Variants in FOXP1 observed in about 807,000 individuals in gnomAD.
The protein encoded by FOXP1 is forkhead box protein P1.
FOXP1 carries 15 observed loss-of-function variants against 98.2 expected under a neutral mutation model. The ratio of observed to expected loss-of-function variants is 0.15; its 90% CI spans 0.10 to 0.24. The LOEUF (loss-of-function observed/expected upper bound fraction) is 0.24. Among genes scored for constraint, FOXP1 ranks in the 10% least tolerant of loss-of-function variants. FOXP1 has a pLI of 1.00. For missense variants in FOXP1, 633 were observed against 848.5 expected, an observed-to-expected ratio of 0.75 and a Z score of 3.15; for synonymous variants, 371 against 314.5, an observed-to-expected ratio of 1.18 and a Z score of -1.90.
chr3:71,010,403 G>A (rs2043414713), intron 12 of FOXP1, among the ~76,000 whole-genome samples: 1 of 152,102 alleles, frequency 6.6e-6, no homozygotes, highest in Admixed American at 6.6e-5. Context: ...TTAACTCTAT[G>A]CTGGGAATAC....
At chr3:71,269,244 GA>G (rs2107279415) in intron 5 of FOXP1, among the ~76,000 whole-genome samples, 1 of 151,930 alleles carries the variant, frequency 6.6e-6, no homozygotes, top group African/African-American at 2.4e-5. Context: ...TTACCTTGAA[GA>G]TGACAATTTA....
chr3:71,080,375 T>A (rs2107516357), intron 7 of FOXP1, among the ~76,000 whole-genome samples: 1 of 152,328 alleles, frequency 6.6e-6, no homozygotes, highest in East Asian at 1.9e-4. Context: ...TGGAGATGAC[T>A]GTTCCCATAC....
At position 71,106,567 on chromosome 3, in the gene FOXP1, G is replaced by A. The variant is rs945589202; in HGVS notation, c.282+5969C>T. On this transcript the variant is annotated intron_variant, in intron 7 of 20. Coordinates refer to ENST00000649528, the MANE Select transcript of FOXP1 (RefSeq NM_001349338.3). ...TCTTGAACACCTGACCTTGTGATCC[G>A]CTCGCCTTGGCTTCTCAAAGTGCTG... Among the ~76,000 whole-genome samples, 4 of 151,612 alleles carry A rather than the reference G, an allele frequency of 2.6e-5. No individual in the cohort carries two copies. In the East Asian group the frequency reaches 5.9e-4, roughly 22 times the overall value.
intron 6 of FOXP1, among the ~76,000 whole-genome samples, chr3:71,187,130 A>C (rs2062695688): frequency 6.6e-6 from 1 of 152,276 alleles, no homozygotes; most frequent in Non-Finnish European, 1.5e-5. Context: ...CCCTACTCAA[A>C]GAAGGTACTG....
intron 7 of FOXP1, among the ~76,000 whole-genome samples, chr3:71,081,428 T>C (rs2054401155): frequency 6.6e-6 from 1 of 152,128 alleles, no homozygotes; most frequent in South Asian, 2.1e-4. Context: ...AGGAAACTGA[T>C]GCCACGGAGG....
intron 4 of FOXP1, among the ~76,000 whole-genome samples, chr3:71,320,565 T>G (rs1349380254): frequency 6.6e-6 from 1 of 152,160 alleles, no homozygotes; most frequent in African/African-American, 2.4e-5. Flanking sequence ...AATGTCCCTG[T>G]TATCTATTCC....
intron 6 of FOXP1, among the ~76,000 whole-genome samples, chr3:71,170,920 TTTC>T (rs1042490408): frequency 6.6e-6 from 1 of 152,134 alleles, no homozygotes; most frequent in Admixed American, 6.6e-5. Context: ...CCGTCTTTCT[TTTC>T]TTCTTTTTGT....
intron 7 of FOXP1, among the ~76,000 whole-genome samples, chr3:71,111,614 G>A (rs375718149): frequency 6.6e-6 from 1 of 152,198 alleles, no homozygotes; most frequent in South Asian, 2.1e-4. Flanking sequence ...GGCCAGCCTC[G>A]TCTCGAACTC....
At chr3:71,348,553 G>GTGCGCGCGCGCGCA (rs1553853270) in intron 4 of FOXP1, among the ~76,000 whole-genome samples, 2 of 130,638 alleles carry the variant, frequency 1.5e-5, no homozygotes, top group African/African-American at 6.3e-5. Context: ...GTGTGTGCGT[G>GTGCGCGCGCGCGCA]CGCGCGCGCA....
At chr3:71,150,218 G>A (rs1426193894) in intron 6 of FOXP1, among the ~76,000 whole-genome samples, 1 of 152,184 alleles carries the variant, frequency 6.6e-6, no homozygotes, top group Non-Finnish European at 1.5e-5. Flanking sequence ...GAGTACTAGG[G>A]AGGATGCTAT....
At chr3:71,469,155 T>C (rs1250689425) in intron 3 of FOXP1, among the ~76,000 whole-genome samples, 1 of 152,348 alleles carries the variant, frequency 6.6e-6, no homozygotes, top group South Asian at 2.1e-4. Flanking sequence ...TGTGTGATCA[T>C]GATTATCATT....
chr3:71,471,269 T>C (rs2089317154), intron 3 of FOXP1, among the ~76,000 whole-genome samples: 1 of 151,098 alleles, frequency 6.6e-6, no homozygotes, highest in Non-Finnish European at 1.5e-5. Context: ...TTATATAGTA[T>C]AATAAGTACA....
At chr3:71,034,264 C>T (rs1368360254) in intron 11 of FOXP1, among the ~76,000 whole-genome samples, 1 of 152,112 alleles carries the variant, frequency 6.6e-6, no homozygotes. Flanking sequence ...GGACTTGATC[C>T]GGAGCTTAAC....
At chr3:71,188,205 G>A (rs191052018) in intron 6 of FOXP1, among the ~76,000 whole-genome samples, 2 of 152,186 alleles carry the variant, frequency 1.3e-5, no homozygotes, top group East Asian at 3.9e-4. Context: ...GCCCTTCAGT[G>A]AACATAAAAT....
intron 5 of FOXP1, chr3:71,296,257 A>C (rs1380380346): frequency 1.3e-5 from 2 of 152,154 alleles, no homozygotes; most frequent in Admixed American, 6.5e-5. Context: ...ATTTACTGAG[A>C]AGCTCCTGGC....
chr3:71,048,659 G>A (rs72964072), intron 9 of FOXP1, among the ~76,000 whole-genome samples: 3,933 of 152,128 alleles, frequency 0.026, 167 homozygotes, highest in African/African-American at 0.09. Context: ...GTAAAACCCA[G>A]TGATAGTTAT....
chr3:71,104,696 G>A (rs2057278787), intron 7 of FOXP1, among the ~76,000 whole-genome samples: 1 of 150,076 alleles, frequency 6.7e-6, no homozygotes, highest in South Asian at 2.2e-4. Context: ...GGAACCTCAG[G>A]AAACCCATCC....
At chr3:70,969,392 ATAATTAC>A (rs1385458344) in intron 19 of FOXP1, 1 of 152,234 alleles carries the variant, frequency 6.6e-6, no homozygotes, top group African/African-American at 2.4e-5. Flanking sequence ...ATAAATAAAT[ATAATTAC>A]TGAAATGCTA....
Position 71,220,752 on chromosome 3 carries a change from C to CAAAATAAAATAAAATAAAAT in FOXP1, c.-11-22380_-11-22361dup, listed in dbSNP as rs3033235. On this transcript the variant is annotated intron_variant, in intron 5 of 20. Coordinates refer to ENST00000649528, the MANE Select transcript of FOXP1 (RefSeq NM_001349338.3). ...TGGGTGACTGAGTGAGACCCTGTCT[C>CAAAATAAAATAAAATAAAAT]AAAATAAAATAAAATAAAATAAAAT... Among the ~76,000 whole-genome samples the CAAAATAAAATAAAATAAAAT allele has an allele frequency of 1.9e-3, 258 of 132,788 alleles. 3 individuals carry two copies. Among genetic ancestry groups the CAAAATAAAATAAAATAAAAT allele is most frequent in the African/African-American group, 6.5e-3 (220 of 34,028 alleles). The allele number at this position is 132,788 out of a possible 152,430, so 87.1% of individuals were successfully genotyped here.
Sources: allele counts gnomAD v4.1 joint callset (sites outside exome capture counted in the v4.1 genomes callset), GRCh38; gene constraint gnomAD v4.1.1; transcripts MANE v1.5; gene names NCBI Gene and HGNC (gene_info 2026-07-23, HGNC 2026-07-21).